Variants in DNAH12 observed in about 807,000 individuals in gnomAD.
DNAH12 encodes the protein dynein axonemal heavy chain 12, also known as axonemal beta dynein heavy chain 12.
DNAH12 carries 285 observed loss-of-function variants against 371.5 expected under a neutral mutation model. The observed-to-expected ratio is 0.77, with a 90% CI of 0.70 to 0.85. The LOEUF is 0.85. Among genes scored for constraint, DNAH12 ranks in the 40% least tolerant of loss-of-function variants. The pLI is 0.00. For synonymous variants in DNAH12, 1,200 were observed against 1,213.0 expected (o/e 0.99, Z 0.22); for missense variants, 3,611 against 3,689.4 (o/e 0.98, Z 0.55).
In DNAH12 at chr3:57,464,102, C is replaced by A. The variant is rs115787366; in HGVS notation, c.2350-1227G>T. ...CTGATAAGAGCAAGGTCAAAGTGGA[C>A]AACCAGCTACCCCACCACCCTGGGT... On this transcript the variant is annotated intron_variant, in intron 17 of 73. Coordinates refer to ENST00000495027, the MANE Select transcript of DNAH12 (RefSeq NM_001366028.2). 6.9e-4 allele frequency among the ~76,000 whole-genome samples: 105 copies of A among 152,168 alleles called. 1 individual carries two copies. The highest frequency in any genetic ancestry group is 2.3e-3 in the African/African-American group (96 of 41,518).
At chr3:57,362,064 C>T (rs1220939911) in intron 58 of DNAH12, among the ~76,000 whole-genome samples, 8 of 151,418 alleles carry the variant, frequency 5.3e-5, no homozygotes, top group East Asian at 1.9e-4. Flanking sequence ...CACCCTGTGT[C>T]CAAGTGTTCT....
At chr3:57,506,829 G>A (rs1042858576) in intron 8 of DNAH12, among the ~76,000 whole-genome samples, 1 of 152,028 alleles carries the variant, frequency 6.6e-6, no homozygotes, top group Non-Finnish European at 1.5e-5. Context: ...ACATGCACAA[G>A]GAGCTTCTAA....
chr3:57,293,860 G>C lies in DNAH12; in HGVS notation c.11804C>G (p.Ala3935Gly). 6.5e-7 allele frequency: 1 copy of C among 1,549,074 alleles called. No homozygotes were observed. Among genetic ancestry groups the C allele is most frequent in the Non-Finnish European group, 8.7e-7 (1 of 1,145,976 alleles). ...TTGHSTNFVI[A>G]MLLKTDQPTR... ...AGGTTGGTCTGTTTTTAACAACATTGCAATGACAAAGTTAGTAGAATGTCC... is the reference window on the plus strand; with the variant it reads ...AGGTTGGTCTGTTTTTAACAACATTCCAATGACAAAGTTAGTAGAATGTCC... The change falls in exon 74 of 74, where the codon GCA becomes GGA. Residue 3935 changes from alanine to glycine, a missense_variant. Physicochemically the swap from Ala to Gly is moderately conservative, Grantham distance 60. This residue lies in a region of DNAH12 where 2,266 missense variants were observed against 2,236.9 expected (regional missense o/e 1.01). Coordinates refer to ENST00000495027, the MANE Select transcript of DNAH12 (RefSeq NM_001366028.2).
chr3:57,495,095 T>C (rs931986176), intron 11 of DNAH12, among the ~76,000 whole-genome samples: 7 of 152,150 alleles, frequency 4.6e-5, no homozygotes, highest in African/African-American at 1.7e-4. Context: ...CATTTACACA[T>C]ATATTTGCAC....
rs2062158819 is a variant in DNAH12 at position 57,333,659 on chromosome 3, C to T, written c.9978+806G>A. On this transcript the variant is annotated intron_variant, in intron 62 of 73. Coordinates refer to ENST00000495027, the MANE Select transcript of DNAH12 (RefSeq NM_001366028.2). ...CTACTCTTTTTAAAAATATAAAAAACATTCTTAGTTCATGGGATGGACCAA... is the reference window on the plus strand; with the variant it reads ...CTACTCTTTTTAAAAATATAAAAAATATTCTTAGTTCATGGGATGGACCAA... Among the ~76,000 whole-genome samples the T allele has an allele frequency of 2.0e-5, 3 of 152,224 alleles. No individual in the cohort carries two copies. The South Asian group carries it at 6.2e-4, about 32-fold the overall frequency.
At position 57,459,744 on chromosome 3, in the gene DNAH12, C is replaced by T; in HGVS notation, c.2779G>A (p.Glu927Lys). Residue 927 changes from glutamate to lysine, a missense_variant, in exon 20 of 74, where the codon GAA becomes AAA. This residue lies in a region of DNAH12 where 1,314 missense variants were observed against 1,398.7 expected (regional missense o/e 0.94). Coordinates refer to ENST00000495027, the MANE Select transcript of DNAH12 (RefSeq NM_001366028.2). ...RLIRIQETIDEWLKVQAQWLY... is the reference protein window; with the variant it reads ...RLIRIQETIDKWLKVQAQWLY... Reference sequence around the variant, plus strand: ...CATTGAGCTTGTACTTTTAACCATTCATCAATTGTTTCTTGTATTCGAATC... The same window carrying T: ...CATTGAGCTTGTACTTTTAACCATTTATCAATTGTTTCTTGTATTCGAATC... 1 of 1,529,862 alleles carries T rather than the reference C, an allele frequency of 6.5e-7. No individual in the cohort carries two copies. Among genetic ancestry groups the T allele is most frequent in the Non-Finnish European group, 8.8e-7 (1 of 1,132,176 alleles). 94.8% of individuals were successfully genotyped at this position (1,529,862 alleles called of 1,614,324 possible).
intron 34 of DNAH12, among the ~76,000 whole-genome samples, chr3:57,427,791 A>G (rs1380074031): frequency 1.3e-5 from 2 of 152,184 alleles, no homozygotes; most frequent in East Asian, 3.9e-4. Context: ...AGGCTACCAG[A>G]ATCTGGACAA....
intron 43 of DNAH12, among the ~76,000 whole-genome samples, chr3:57,396,682 C>T (rs2063749069): frequency 2.0e-5 from 3 of 152,174 alleles, no homozygotes; most frequent in South Asian, 2.1e-4. Context: ...AGTGATTCTC[C>T]TGCCTCAGGC....
chr3:57,419,055 A>G (rs2064481578), intron 37 of DNAH12, among the ~76,000 whole-genome samples: 2 of 152,218 alleles, frequency 1.3e-5, no homozygotes, highest in Admixed American at 6.5e-5. Flanking sequence ...GAGTACGCTG[A>G]ATCTTTAATT....
chr3:57,307,171 C>T (rs1216999202), intron 69 of DNAH12, among the ~76,000 whole-genome samples: 1 of 152,228 alleles, frequency 6.6e-6, no homozygotes, highest in African/African-American at 2.4e-5. Flanking sequence ...ACTGATCTCT[C>T]AAACCCCAGC....
At chr3:57,525,328 G>GA (rs1341061594) in intron 2 of DNAH12, among the ~76,000 whole-genome samples, 1 of 152,062 alleles carries the variant, frequency 6.6e-6, no homozygotes, top group Non-Finnish European at 1.5e-5. Context: ...AGCATCTGGT[G>GA]AATGAATGAT....
intron 2 of DNAH12, among the ~76,000 whole-genome samples, chr3:57,527,318 G>A (rs1391284912): frequency 2.0e-5 from 3 of 152,106 alleles, no homozygotes; most frequent in Admixed American, 6.6e-5. Flanking sequence ...GCAACACAGT[G>A]AGACTTTGTT....
chr3:57,298,579 T>C lies in DNAH12; in HGVS notation c.11395-1595A>G, dbSNP rs554951200. Among the ~76,000 whole-genome samples the C allele has an allele frequency of 2.0e-5, 3 of 152,356 alleles. No homozygotes were observed. In the South Asian group the frequency reaches 6.2e-4, roughly 32 times the overall value. On this transcript the variant is annotated intron_variant, in intron 70 of 73. Coordinates refer to ENST00000495027, the MANE Select transcript of DNAH12 (RefSeq NM_001366028.2). The stretch of plus-strand genomic sequence containing the variant: ...TTGCTTATGTCAGAATTTTTGTTAC[T>C]TATAATGGAATCAATCCAAAGTGGT...
At chr3:57,391,140 C>G (rs2063613974) in intron 45 of DNAH12, among the ~76,000 whole-genome samples, 1 of 152,288 alleles carries the variant, frequency 6.6e-6, no homozygotes, top group East Asian at 1.9e-4. Flanking sequence ...TTTGGTCAAA[C>G]ATGATTCTGG....
chr3:57,424,030 C>T (rs1174123091), intron 35 of DNAH12, among the ~76,000 whole-genome samples: 1 of 152,112 alleles, frequency 6.6e-6, no homozygotes, highest in Admixed American at 6.5e-5. Context: ...TGAGCCACGG[C>T]ACCCAGCCTA....
At chr3:57,346,299 C>CA (rs1194059170) in intron 60 of DNAH12, among the ~76,000 whole-genome samples, 1 of 151,862 alleles carries the variant, frequency 6.6e-6, no homozygotes, top group Non-Finnish European at 1.5e-5. Flanking sequence ...TTATAAGGCA[C>CA]GGGGGAGGGG....
chr3:57,339,019 T>C (rs1392412788), intron 60 of DNAH12, among the ~76,000 whole-genome samples: 1 of 152,188 alleles, frequency 6.6e-6, no homozygotes, highest in African/African-American at 2.4e-5. Context: ...AGACTCCATT[T>C]TGTTCTGTAC....
chr3:57,542,163 G>A lies in DNAH12; in HGVS notation c.170+538C>T, dbSNP rs879472281. ...TTTAATTTCCACTAAACTGGGGGGG[G>A]GGGGGGCGGTGAGTAGGATGTTGAA... On this transcript the variant is annotated intron_variant, in intron 2 of 73. Transcript: ENST00000495027. Among the ~76,000 whole-genome samples, 5 of 129,044 alleles carry A rather than the reference G, an allele frequency of 3.9e-5. 1 individual carries two copies. Among genetic ancestry groups the A allele is most frequent in the Admixed American group, 7.5e-5 (1 of 13,388 alleles). The allele number at this position is 129,044 out of a possible 152,430, so 84.7% of individuals were successfully genotyped here.
In DNAH12 at chr3:57,323,019, A is replaced by G. The variant is rs1461352767; in HGVS notation, c.10371T>C (p.Tyr3457=). 1.2e-5 allele frequency: 18 copies of G among 1,552,076 alleles called. No individual in the cohort carries two copies. The highest frequency in any genetic ancestry group is 2.0e-5 in the Admixed American group (1 of 51,004). Reference sequence around the variant, plus strand: ...GAAATAAACATACTTTTGAAGATGGATAGCTTGTCAGCCAAAGCCTAAAGG... The same window carrying G: ...GAAATAAACATACTTTTGAAGATGGGTAGCTTGTCAGCCAAAGCCTAAAGG... ...NSSFRLWLTS[Y]PSSKFPVTIL... Residue 3457 remains tyrosine (Y), a synonymous_variant, in exon 64 of 74, where the codon TAT becomes TAC. Coordinates refer to ENST00000495027, the MANE Select transcript of DNAH12 (RefSeq NM_001366028.2).
Sources: gnomAD v4.1 joint callset for allele counts (sites outside exome capture counted in the v4.1 genomes callset) on GRCh38, gnomAD v4.1.1 for gene constraint, gnomAD v4.1.1 regional missense constraint, MANE v1.5 for transcripts, NCBI Gene and HGNC (gene_info 2026-07-23, HGNC 2026-07-21) for gene names.